The following PELI2 variants were observed in gnomAD, a reference collection of about 807,000 sequenced individuals.
The protein encoded by PELI2 is E3 ubiquitin-protein ligase pellino homolog 2.
A neutral mutation model predicts 42.3 loss-of-function variants in PELI2; 23 were observed. The observed-to-expected ratio is 0.54, with a 90% CI of 0.39 to 0.77. The LOEUF is 0.77. PELI2 is among the 30% of genes least tolerant of loss of function. The pLI is 0.00. For synonymous variants in PELI2, 245 were observed against 212.2 expected, an observed-to-expected ratio of 1.15 and a Z score of -1.34; for missense variants, 463 against 553.2, an observed-to-expected ratio of 0.84 and a Z score of 1.64.
intron 1 of PELI2, among the ~76,000 whole-genome samples, chr14:56,160,976 C>T (rs1884740325): frequency 6.6e-6 from 1 of 152,084 alleles, no homozygotes; most frequent in Admixed American, 6.5e-5. Context: ...TTATTGGGCC[C>T]CTCCTCTGTT....
intron 3 of PELI2, among the ~76,000 whole-genome samples, chr14:56,287,001 T>A (rs1428110398): frequency 2.0e-5 from 3 of 152,244 alleles, no homozygotes; most frequent in African/African-American, 7.2e-5. Flanking sequence ...TACATTTGGA[T>A]GAACTCAGAA....
intron 2 of PELI2, among the ~76,000 whole-genome samples, chr14:56,221,920 G>A (rs184999683): frequency 6.6e-6 from 1 of 152,268 alleles, no homozygotes; most frequent in Admixed American, 6.5e-5. Context: ...AGCCACGAGA[G>A]GAACTCCATG....
At chr14:56,243,844 C>T (rs1262178626) in intron 2 of PELI2, among the ~76,000 whole-genome samples, 1 of 152,152 alleles carries the variant, frequency 6.6e-6, no homozygotes, top group African/African-American at 2.4e-5. Flanking sequence ...GTTAATCTTT[C>T]AGGTTGATAA....
rs183624076 is a variant in PELI2 at position 56,207,409 on chromosome 14, G to A, written c.207+28945G>A. Among the ~76,000 whole-genome samples the A allele has an allele frequency of 4.4e-4, 67 of 152,110 alleles. No individual in the cohort carries two copies. In the South Asian group the frequency reaches 5.6e-3, roughly 13 times the overall value. ...TACCAGATACTATGGTAGCTACTGA[G>A]GATATTATACTCACTACCCACAAGG... On this transcript the variant is annotated intron_variant, in intron 2 of 5. Transcript: ENST00000267460.
intron 1 of PELI2, among the ~76,000 whole-genome samples, chr14:56,166,243 A>T (rs1368552773): frequency 6.6e-6 from 1 of 152,200 alleles, no homozygotes; most frequent in Non-Finnish European, 1.5e-5. Context: ...CAAAAAGAAA[A>T]CTAAGAAAAA....
chr14:56,205,048 G>A lies in PELI2; in HGVS notation c.207+26584G>A, dbSNP rs113938463. 6.3e-3 allele frequency among the ~76,000 whole-genome samples: 867 copies of A among 137,644 alleles called. 9 individuals carry two copies. The highest frequency in any genetic ancestry group is 0.02 in the African/African-American group (777 of 39,008). The allele number at this position is 137,644 out of a possible 152,430, so 90.3% of individuals were successfully genotyped here. A position where few individuals can be genotyped will look rare whatever the true frequency, so the allele number is the denominator to read the frequency against. On this transcript the variant is annotated intron_variant, in intron 2 of 5. Coordinates refer to ENST00000267460, the MANE Select transcript of PELI2 (RefSeq NM_021255.3). ...CCCTGTCAAAAAAAAAAAAAAAAAA[G>A]AAAGAAAGTGCTTTAAAACCAGGTA...
At chr14:56,279,577 C>T (rs1352718078) in intron 2 of PELI2, 99 bp from the exon 3 acceptor site, 11 of 621,544 alleles carry the variant, frequency 1.8e-5, no homozygotes, top group African/African-American at 7.5e-5. Context: ...CTGGCTTGTG[C>T]TGGGCTTTGC....
At position 56,211,078 on chromosome 14, in the gene PELI2, C is replaced by T. The variant is rs957072911; in HGVS notation, c.207+32614C>T. 1.6e-4 allele frequency among the ~76,000 whole-genome samples: 25 copies of T among 152,250 alleles called. No individual in the cohort carries two copies. The South Asian group carries it at 5.2e-3, about 32-fold the overall frequency. On this transcript the variant is annotated intron_variant, in intron 2 of 5. Coordinates refer to ENST00000267460, the MANE Select transcript of PELI2 (RefSeq NM_021255.3). Reference sequence around the variant, plus strand: ...TAAGCCATCCCAAAGCTGTTTTAGCCCACCGGTGGTACTTTGTCTTGCTAC... The same window carrying T: ...TAAGCCATCCCAAAGCTGTTTTAGCTCACCGGTGGTACTTTGTCTTGCTAC...
intron 1 of PELI2, chr14:56,119,601 A>G (rs535185702): frequency 3.3e-4 from 60 of 180,736 alleles, no homozygotes; most frequent in African/African-American, 1.4e-3. Flanking sequence ...GACTTCATCT[A>G]CTTCCTGAGT....
At chr14:56,249,873 G>A (rs889096647) in intron 2 of PELI2, among the ~76,000 whole-genome samples, 22 of 152,266 alleles carry the variant, frequency 1.4e-4, no homozygotes, top group Middle Eastern at 3.4e-3. Context: ...TGCGTCATGC[G>A]AATCTTGATG....
chr14:56,199,716 T>A (rs1886263513), intron 2 of PELI2, among the ~76,000 whole-genome samples: 1 of 152,214 alleles, frequency 6.6e-6, no homozygotes, highest in Admixed American at 6.5e-5. Flanking sequence ...AGATACAAGT[T>A]GTTTTGGTAA....
At chr14:56,242,271 C>A (rs1348505920) in intron 2 of PELI2, among the ~76,000 whole-genome samples, 3 of 152,188 alleles carry the variant, frequency 2.0e-5, no homozygotes, top group African/African-American at 7.2e-5. Flanking sequence ...AGGAAATACA[C>A]TCATAGTGCA....
At chr14:56,252,023 C>T (rs1888364039) in intron 2 of PELI2, among the ~76,000 whole-genome samples, 1 of 152,096 alleles carries the variant, frequency 6.6e-6, no homozygotes, top group Non-Finnish European at 1.5e-5. Flanking sequence ...GACAATAGCA[C>T]AGGGTAATAA....
chr14:56,144,658 T>C (rs910721129), intron 1 of PELI2, among the ~76,000 whole-genome samples: 3 of 152,210 alleles, frequency 2.0e-5, no homozygotes, highest in Admixed American at 6.5e-5. Context: ...ATTGCTAATA[T>C]GATAGATATG....
intron 1 of PELI2, among the ~76,000 whole-genome samples, chr14:56,176,240 C>G (rs139037813): frequency 2.0e-5 from 3 of 152,330 alleles, no homozygotes; most frequent in African/African-American, 4.8e-5. Flanking sequence ...GTCTGCTGCA[C>G]TCTTACGAGG....
intron 5 of PELI2, among the ~76,000 whole-genome samples, chr14:56,295,671 G>A (rs960243276): frequency 6.6e-6 from 1 of 152,214 alleles, no homozygotes; most frequent in Non-Finnish European, 1.5e-5. Context: ...CTTTTCTAAA[G>A]TTTAAACAAG....
At chr14:56,151,621 C>T (rs1243592180) in intron 1 of PELI2, among the ~76,000 whole-genome samples, 1 of 152,170 alleles carries the variant, frequency 6.6e-6, no homozygotes, top group African/African-American at 2.4e-5. Context: ...TAACCCGTGC[C>T]TGAGGTTCTC....
At chr14:56,196,025 A>G (rs1364440372) in intron 2 of PELI2, among the ~76,000 whole-genome samples, 2 of 152,236 alleles carry the variant, frequency 1.3e-5, no homozygotes, top group Non-Finnish European at 2.9e-5. Flanking sequence ...GGGACTCTGT[A>G]CAATTAAGTG....
At chr14:56,211,679 A>C (rs1886716345) in intron 2 of PELI2, among the ~76,000 whole-genome samples, 1 of 152,172 alleles carries the variant, frequency 6.6e-6, no homozygotes, top group Non-Finnish European at 1.5e-5. Flanking sequence ...GTTTTAGAGA[A>C]ATTTCATTAT....
Sources: gnomAD v4.1 joint callset for allele counts (sites outside exome capture counted in the v4.1 genomes callset) on GRCh38, gnomAD v4.1.1 for gene constraint, MANE v1.5 for transcripts, NCBI Gene and HGNC (gene_info 2026-07-23, HGNC 2026-07-21) for gene names.